The following GRIN2B variants were observed in gnomAD, a reference collection of about 807,000 sequenced individuals.
GRIN2B encodes glutamate receptor ionotropic, NMDA 2B.
A neutral mutation model predicts 114.5 loss-of-function variants in GRIN2B; 5 were observed. That is an observed-to-expected ratio of 0.04 (90% CI 0.02 to 0.09). The LOEUF is 0.09. GRIN2B is among the 10% of genes least tolerant of loss of function. GRIN2B has a pLI of 1.00. For missense variants in GRIN2B, 1,108 were observed against 1,943.5 expected (o/e 0.57, Z 8.08); for synonymous variants, 787 against 745.1 (o/e 1.06, Z -0.92).
In GRIN2B at chr12:13,747,188, C is replaced by T. The variant is rs542469507; in HGVS notation, c.1010+6129G>A. Among the ~76,000 whole-genome samples the T allele has an allele frequency of 3.7e-3, 558 of 152,082 alleles. 1 individual carries two copies. Among genetic ancestry groups the T allele is most frequent in the Middle Eastern group, 6.8e-3 (2 of 294 alleles). On this transcript the variant is annotated intron_variant, in intron 4 of 13. Transcript: ENST00000609686. The stretch of plus-strand genomic sequence containing the variant: ...TGAGTTTTAAATCTTAGAAGTCAGC[C>T]GCAGAATTAGTGATTAAGGAAAGAA...
At chr12:13,646,617 G>A (rs538388171) in intron 5 of GRIN2B, among the ~76,000 whole-genome samples, 38 of 151,874 alleles carry the variant, frequency 2.5e-4, no homozygotes, top group Non-Finnish European at 2.6e-4. Context: ...ATAAGCTTTC[G>A]CTTTCTTCTT....
intron 2 of GRIN2B, among the ~76,000 whole-genome samples, chr12:13,869,842 C>A (rs575550700): frequency 3.9e-5 from 6 of 152,288 alleles, no homozygotes; most frequent in Admixed American, 1.3e-4. Flanking sequence ...GGGCGAGTCA[C>A]CTAATTACCA....
intron 2 of GRIN2B, among the ~76,000 whole-genome samples, chr12:13,867,021 T>C (rs1418123686): frequency 2.0e-5 from 3 of 152,222 alleles, no homozygotes; most frequent in African/African-American, 7.2e-5. Context: ...TTCCAATATG[T>C]GTTCTATTAC....
At chr12:13,795,376 A>AG (rs869178125) in intron 3 of GRIN2B, among the ~76,000 whole-genome samples, 5 of 28,116 alleles carry the variant, frequency 1.8e-4, no homozygotes, top group Non-Finnish European at 6.3e-4. Context: ...TGCAGTGGCG[A>AG]AAAAAAAAAA....
intron 2 of GRIN2B, among the ~76,000 whole-genome samples, chr12:13,961,202 G>T (rs866355033): frequency 6.5e-4 from 99 of 152,232 alleles, no homozygotes; most frequent in Middle Eastern, 3.4e-3. Context: ...AAACAGAGTG[G>T]CAGGGGAGGG....
intron 3 of GRIN2B, among the ~76,000 whole-genome samples, chr12:13,835,766 C>A (rs1865249172): frequency 4.2e-5 from 4 of 94,980 alleles, no homozygotes; most frequent in Admixed American, 1.3e-4. Flanking sequence ...GAAAACATAG[C>A]ACATTAAAAA....
At position 13,545,381 on chromosome 12, in the gene GRIN2B, G is replaced by T. The variant is rs1948330088; in HGVS notation, c.*17402C>A. 1.3e-5 allele frequency: 2 copies of T among 152,070 alleles called. No homozygotes were observed. Among genetic ancestry groups the T allele is most frequent in the Admixed American group, 1.3e-4 (2 of 15,268 alleles). The allele number at this position is 152,070 out of a possible 1,614,324, so 9.4% of individuals were successfully genotyped here. On this transcript the variant is annotated 3_prime_UTR_variant, in exon 14 of 14. Transcript: ENST00000609686. ...CTCATCAACATACAAACTTCAAGAG[G>T]GTATGGACTTTGTGTGGTTCGTTCT...
At chr12:13,915,360 G>A (rs1307116404) in intron 2 of GRIN2B, among the ~76,000 whole-genome samples, 2 of 152,172 alleles carry the variant, frequency 1.3e-5, no homozygotes, top group Non-Finnish European at 2.9e-5. Context: ...TTTCGAACCT[G>A]CTAGTTGTAC....
intron 2 of GRIN2B, among the ~76,000 whole-genome samples, chr12:13,867,747 T>C (rs1464718619): frequency 6.6e-6 from 1 of 152,110 alleles, no homozygotes; most frequent in African/African-American, 2.4e-5. Context: ...AACACCAGCA[T>C]GCCAATACAT....
At chr12:13,770,467 C>A (rs1410926006) in intron 3 of GRIN2B, among the ~76,000 whole-genome samples, 3 of 152,104 alleles carry the variant, frequency 2.0e-5, no homozygotes, top group Admixed American at 1.3e-4. Flanking sequence ...GGTGGTTAAG[C>A]CGTTGTCAGA....
At chr12:13,872,025 CA>C (rs1865918336) in intron 2 of GRIN2B, among the ~76,000 whole-genome samples, 1 of 151,754 alleles carries the variant, frequency 6.6e-6, no homozygotes, top group African/African-American at 2.4e-5. Context: ...TAAAAAGAAG[CA>C]AAAGTGGTAC....
chr12:13,696,366 T>C (rs138539431), intron 4 of GRIN2B, among the ~76,000 whole-genome samples: 171 of 152,300 alleles, frequency 1.1e-3, no homozygotes, highest in African/African-American at 4.0e-3. Context: ...ACTATCTTCA[T>C]TGTTCTTGTT....
chr12:13,621,095 A>G (rs929909270), intron 5 of GRIN2B, among the ~76,000 whole-genome samples: 60 of 152,232 alleles, frequency 3.9e-4, no homozygotes, highest in African/African-American at 1.4e-3. Context: ...ACAAAAAAGG[A>G]AACAAAAATT....
chr12:13,674,321 C>T (rs1950050452), intron 5 of GRIN2B, among the ~76,000 whole-genome samples: 1 of 152,118 alleles, frequency 6.6e-6, no homozygotes, highest in Non-Finnish European at 1.5e-5. Flanking sequence ...GACAGCACCA[C>T]TGCACTCTAG....
At chr12:13,852,920 A>G (rs79149782) in intron 3 of GRIN2B, among the ~76,000 whole-genome samples, 3 of 152,270 alleles carry the variant, frequency 2.0e-5, no homozygotes, top group East Asian at 3.9e-4. Flanking sequence ...TATATCAGCC[A>G]ACTCCGGAGC....
chr12:13,638,309 G>GGA (rs2136504271), intron 5 of GRIN2B, among the ~76,000 whole-genome samples: 1 of 152,048 alleles, frequency 6.6e-6, no homozygotes, highest in East Asian at 1.9e-4. Context: ...TACAATACCT[G>GGA]GAAATAACAA....
rs757990373 is a variant in GRIN2B at position 13,569,942 on chromosome 12, C to T, written c.2247G>A (p.Val749=). ...MAGRDEGCKL[V]TIGSGKVFAS... is the part of the protein sequence containing the mutation. ...CAAAGACCTTCCCACTGCCAATGGTCACCAGCTTGCAGCCTTCATCTCTGC... is the reference window on the plus strand; with the variant it reads ...CAAAGACCTTCCCACTGCCAATGGTTACCAGCTTGCAGCCTTCATCTCTGC... The change falls in exon 12 of 14, where the codon GTG becomes GTA. Residue 749 remains valine (V), a synonymous_variant. Coordinates refer to ENST00000609686, the MANE Select transcript of GRIN2B (RefSeq NM_000834.5). 36 of 1,612,416 alleles carry T rather than the reference C, an allele frequency of 2.2e-5. No individual in the cohort carries two copies. Among genetic ancestry groups the T allele is most frequent in the Admixed American group, 1.3e-4 (8 of 60,006 alleles).
At chr12:13,962,905 G>A (rs1379093994) in intron 2 of GRIN2B, among the ~76,000 whole-genome samples, 1 of 152,206 alleles carries the variant, frequency 6.6e-6, no homozygotes, top group Admixed American at 6.5e-5. Context: ...CCTCCCTGGG[G>A]AATGCAGTTA....
chr12:13,574,456 G>A (rs563595790), intron 10 of GRIN2B, among the ~76,000 whole-genome samples: 2 of 152,176 alleles, frequency 1.3e-5, no homozygotes, highest in Admixed American at 1.3e-4. Flanking sequence ...GATACTCTAG[G>A]GCCCAAGGTA....
Sources: allele counts gnomAD v4.1 joint callset (sites outside exome capture counted in the v4.1 genomes callset), GRCh38; gene constraint gnomAD v4.1.1; transcripts MANE v1.5; gene names NCBI Gene and HGNC (gene_info 2026-07-23, HGNC 2026-07-21).